The following NF1 variants were observed in gnomAD, a reference collection of about 807,000 sequenced individuals.
NF1 encodes the protein neurofibromin.
NF1 carries 122 observed loss-of-function variants against 325.7 expected under a neutral mutation model. That is an observed-to-expected ratio of 0.37 (90% CI 0.32 to 0.44). NF1 has a LOEUF of 0.44. NF1 is among the 20% of genes least tolerant of loss of function. NF1 has a pLI of 1.00. For synonymous variants in NF1, 1,091 were observed against 1,186.0 expected, an observed-to-expected ratio of 0.92 and a Z score of 1.65; for missense variants, 2,140 against 3,415.4, an observed-to-expected ratio of 0.63 and a Z score of 9.31.
Position 31,222,493 on chromosome 17 carries a change from A to G in NF1, c.1721+564A>G, listed in dbSNP as rs1272022893. ...TAAATGTGTAAACCTCAAGTTTGCCATTATCTTATAAGAATGGGTGTGCTA... is the reference window on the plus strand; with the variant it reads ...TAAATGTGTAAACCTCAAGTTTGCCGTTATCTTATAAGAATGGGTGTGCTA... On this transcript the variant is annotated intron_variant, in intron 15 of 57. Coordinates refer to ENST00000358273, the MANE Select transcript of NF1 (RefSeq NM_001042492.3). 6 of 1,028,784 alleles carry G rather than the reference A, an allele frequency of 5.8e-6. No homozygotes were observed. In the South Asian group the frequency reaches 2.8e-4, roughly 47 times the overall value. The allele number at this position is 1,028,784 out of a possible 1,614,324, so 63.7% of individuals were successfully genotyped here.
At chr17:31,243,320 C>T (rs2067336654) in intron 29 of NF1, among the ~76,000 whole-genome samples, 1 of 151,940 alleles carries the variant, frequency 6.6e-6, no homozygotes, top group Admixed American at 6.5e-5. Flanking sequence ...TGCCTGACTA[C>T]CACCTATGTT....
At chr17:31,164,636 C>G (rs186363645) in intron 4 of NF1, among the ~76,000 whole-genome samples, 34 of 152,234 alleles carry the variant, frequency 2.2e-4, no homozygotes, top group Admixed American at 2.1e-3. Flanking sequence ...TGTTTTCCAG[C>G]AGGTGTGAAA....
chr17:31,277,303 C>T (rs2068027219), intron 36 of NF1, among the ~76,000 whole-genome samples: 2 of 152,142 alleles, frequency 1.3e-5, no homozygotes, highest in African/African-American at 4.8e-5. Flanking sequence ...TCTAACTTCT[C>T]ACCAATCTTC....
At chr17:31,252,827 A>G in intron 30 of NF1, 111 bp from the exon 31 acceptor site, 3 of 817,710 alleles carry the variant, frequency 3.7e-6, no homozygotes, top group Non-Finnish European at 6.1e-6. Context: ...TTTTTTGTTG[A>G]TTCCATTTGT....
At chr17:31,114,509 G>A (rs936392087) in intron 1 of NF1, among the ~76,000 whole-genome samples, 2 of 151,446 alleles carry the variant, frequency 1.3e-5, no homozygotes, top group Non-Finnish European at 2.9e-5. Context: ...CTGCACTCCA[G>A]CCTGGGTGAC....
intron 1 of NF1, among the ~76,000 whole-genome samples, chr17:31,147,041 A>G (rs1916632434): frequency 6.6e-6 from 1 of 152,152 alleles, no homozygotes; most frequent in Non-Finnish European, 1.5e-5. Context: ...GTTTTTTATT[A>G]TCATTATTCA....
chr17:31,120,993 A>T (rs982528936), intron 1 of NF1, among the ~76,000 whole-genome samples: 10 of 152,236 alleles, frequency 6.6e-5, no homozygotes, highest in Non-Finnish European at 4.4e-5. Flanking sequence ...ACACTAAATT[A>T]AAAGAGTGCA....
chr17:31,160,543 A>G (rs760003386), intron 3 of NF1, among the ~76,000 whole-genome samples: 1 of 152,192 alleles, frequency 6.6e-6, no homozygotes, highest in Non-Finnish European at 1.5e-5. Context: ...TTCATGTGTA[A>G]AATGGAGTGA....
At chr17:31,267,340 G>C (rs1364496194) in intron 36 of NF1, among the ~76,000 whole-genome samples, 1 of 152,170 alleles carries the variant, frequency 6.6e-6, no homozygotes, top group Non-Finnish European at 1.5e-5. Flanking sequence ...AAAGTGTTTT[G>C]TGACCTATAA....
rs747241884 is a variant in NF1, at chr17:31,200,542, G to A, written c.1009G>A (p.Glu337Lys). ...TAAAGCAAGTACTTACATCAATTGG[G>A]AAGATAACTCTGTCATTTTCCTACT... The part of the protein sequence containing the change: ...LCKASTYINW[E>K]DNSVIFLLVQ... The change falls in exon 9 of 58, where the codon GAA becomes AAA. Residue 337 changes from glutamate to lysine, a missense_variant. Glu to Lys is a moderately conservative substitution (Grantham distance 56, BLOSUM62 1). This residue lies in a region of NF1 where 179 missense variants were observed against 381.0 expected (regional missense o/e 0.47). Coordinates refer to ENST00000358273, the MANE Select transcript of NF1 (RefSeq NM_001042492.3). 9 of 1,614,140 alleles carry A rather than the reference G, an allele frequency of 5.6e-6. No individual in the cohort carries two copies. The South Asian group carries it at 9.9e-5, about 18-fold the overall frequency.
chr17:31,294,713 A>G (rs945027448), intron 36 of NF1: 3 of 425,424 alleles, frequency 7.1e-6, no homozygotes. Context: ...TACATATTAA[A>G]GTTTAGATGC....
intron 1 of NF1, among the ~76,000 whole-genome samples, chr17:31,117,672 CAAAAAAAAA>C (rs780828438): frequency 4.0e-4 from 8 of 19,814 alleles, no homozygotes; most frequent in South Asian, 5.3e-3. Flanking sequence ...AACTCCATCT[CAAAAAAAAA>C]AAAAAAAAAA....
intron 8 of NF1, among the ~76,000 whole-genome samples, chr17:31,197,729 A>G (rs1365357836): frequency 6.6e-6 from 1 of 152,186 alleles, no homozygotes; most frequent in African/African-American, 2.4e-5. Context: ...GGATTTCTAC[A>G]TATATATCAT....
rs2067186026 is a variant in NF1, at chr17:31,235,632, G to T, written c.3730G>T (p.Val1244Phe). 1 of 1,613,996 alleles carries T rather than the reference G, an allele frequency of 6.2e-7. No individual in the cohort carries two copies. The highest frequency in any genetic ancestry group is 1.1e-5 in the South Asian group (1 of 91,074). The change falls in exon 28 of 58, where the codon GTT (valine) becomes TTT (phenylalanine). Residue 1244 changes from valine (V) to phenylalanine (F), a missense_variant. Coordinates refer to ENST00000358273, the MANE Select transcript of NF1 (RefSeq NM_001042492.3). ...TCAGGATGAACTAGCTCGAGTTCTG[G>T]TTACTCTGTTTGATTCTCGGCATTT... Reference protein sequence around the residue: ...SQWDELARVLVTLFDSRHLLY... With the variant: ...SQWDELARVLFTLFDSRHLLY...
chr17:31,181,801 A>AAT lies in NF1; in HGVS notation c.730+16_730+17insAT. 3 of 1,218,592 alleles carry AAT rather than the reference A, an allele frequency of 2.5e-6. No individual in the cohort carries two copies. The highest frequency in any genetic ancestry group is 2.3e-6 in the Non-Finnish European group (2 of 853,106). 75.5% of individuals were successfully genotyped at this position (1,218,592 alleles called of 1,614,324 possible). A position where few individuals can be genotyped will look rare whatever the true frequency, so the allele number is the denominator to read the frequency against. ...GATATGGCTGGTAAGGATACGATTG[A>AAT]TTTTTTTTTTTTTTTTGTCTTTTAA... On this transcript the variant is annotated intron_variant, in intron 7 of 57. Transcript: ENST00000358273.
intron 5 of NF1, among the ~76,000 whole-genome samples, chr17:31,172,148 TAGAG>T (rs1347463975): frequency 1.3e-5 from 2 of 151,922 alleles, no homozygotes; most frequent in African/African-American, 2.4e-5. Context: ...CAGGGCAACA[TAGAG>T]AGACCCCCAT....
chr17:31,318,263 C>T (rs1159459323), intron 36 of NF1: 2 of 1,548,946 alleles, frequency 1.3e-6, no homozygotes, highest in Non-Finnish European at 1.7e-6. Flanking sequence ...TTCATTTTTA[C>T]TCCATAAGCC....
intron 13 of NF1, among the ~76,000 whole-genome samples, chr17:31,215,888 C>T (rs541261911): frequency 9.2e-5 from 14 of 152,110 alleles, no homozygotes; most frequent in South Asian, 6.2e-4. Context: ...TATGAAACTT[C>T]GTGAATTTTT....
intron 36 of NF1, among the ~76,000 whole-genome samples, chr17:31,276,411 T>C (rs147279349): frequency 5.4e-4 from 82 of 152,280 alleles, no homozygotes; most frequent in African/African-American, 1.8e-3. Flanking sequence ...CTTTCCTGGC[T>C]GCTGTTTTGA....
Sources: gnomAD v4.1 joint callset for allele counts (sites outside exome capture counted in the v4.1 genomes callset) on GRCh38, gnomAD v4.1.1 for gene constraint, gnomAD v4.1.1 regional missense constraint, MANE v1.5 for transcripts, NCBI Gene and HGNC (gene_info 2026-07-23, HGNC 2026-07-21) for gene names.